Variants in LRCH2 observed in about 807,000 individuals in gnomAD.
LRCH2 encodes the protein leucine rich repeats and calponin homology domain containing 2.
Under a neutral mutation model 68.9 loss-of-function variants are expected in LRCH2, and 38 were observed. The ratio of observed to expected loss-of-function variants is 0.55; its 90% CI spans 0.43 to 0.72. The LOEUF (loss-of-function observed/expected upper bound fraction) is 0.72, where lower values mean the gene tolerates loss of function less well. Among genes scored for constraint, LRCH2 ranks in the 30% least tolerant of loss-of-function variants. The pLI is 0.00. For missense variants in LRCH2, 528 were observed against 572.9 expected, an observed-to-expected ratio of 0.92 and a Z score of 0.80; for synonymous variants, 191 against 208.1, an observed-to-expected ratio of 0.92 and a Z score of 0.71.
intron 16 of LRCH2, chrX:115,126,344 C>T (rs1228753483): frequency 8.9e-6 from 1 of 111,763 alleles, no homozygotes; most frequent in Non-Finnish European, 1.9e-5. Flanking sequence ...ATAGGAACAA[C>T]CCACTGCAGG....
At chrX:115,189,441 C>G in intron 1 of LRCH2, 1 of 1,166,193 alleles carries the variant, frequency 8.6e-7, no homozygotes, top group Non-Finnish European at 1.1e-6. Context: ...GGCAGGGAGA[C>G]ATGATGGAAG....
chrX:115,123,081 T>A lies in LRCH2; in HGVS notation c.1961A>T (p.Asn654Ile), dbSNP rs781980782. The A allele has an allele frequency of 6.6e-6, 8 of 1,203,383 alleles. No homozygotes were observed. Among genetic ancestry groups the A allele is most frequent in the Admixed American group, 6.6e-5 (3 of 45,289 alleles). Residue 654 changes from asparagine (N) to isoleucine (I), a missense_variant and splice_region_variant, in exon 18 of 21, where the codon AAC becomes ATC. Asn to Ile is a moderately radical substitution (Grantham distance 149). Transcript: ENST00000317135. ...EEREQIRQLR[N>I]NLESRLKVIL... The stretch of plus-strand genomic sequence containing the variant: ...ATCTGAAAGAGCAATCTGACTTACG[T>A]TGCGAAGTTGTCGTATTTGCTCTCG...
chrX:115,179,483 G>A lies in LRCH2; in HGVS notation c.808C>T (p.His270Tyr). 1 of 1,152,762 alleles carries A rather than the reference G, an allele frequency of 8.7e-7. No individual in the cohort carries two copies. The change falls in exon 5 of 21, where the codon CAT becomes TAT. Residue 270 changes from histidine (H) to tyrosine (Y), a missense_variant. Transcript: ENST00000317135. ...TCCAAAATTATTACTTGTAAATGATGCAGCTTTCTGTAACAAACTGGAATT... is the reference window on the plus strand; with the variant it reads ...TCCAAAATTATTACTTGTAAATGATACAGCTTTCTGTAACAAACTGGAATT... Reference protein sequence around the residue: ...TEIPVCYRKLHHLQVIILDNN... With the variant: ...TEIPVCYRKLYHLQVIILDNN...
intron 1 of LRCH2, among the ~76,000 whole-genome samples, chrX:115,218,344 T>C (rs1242190173): frequency 1.8e-5 from 2 of 112,147 alleles, no homozygotes; most frequent in African/African-American, 3.2e-5. Flanking sequence ...GTATAGGATC[T>C]GGAGGCAGGG....
At chrX:115,118,601 T>C (rs1372861991) in intron 20 of LRCH2, among the ~76,000 whole-genome samples, 45 of 110,681 alleles carry the variant, frequency 4.1e-4, no homozygotes, top group African/African-American at 1.4e-3. Context: ...AAGGAGGAAC[T>C]GGTACCATTC....
chrX:115,182,546 T>C (rs782807974), intron 3 of LRCH2, among the ~76,000 whole-genome samples: 1 of 111,598 alleles, frequency 9.0e-6, no homozygotes, highest in South Asian at 3.7e-4. Flanking sequence ...TCTTAAGAGT[T>C]TGGTACGCTG....
chrX:115,134,229 T>C (rs1029731482), intron 14 of LRCH2, among the ~76,000 whole-genome samples: 25 of 112,121 alleles, frequency 2.2e-4, no homozygotes, highest in African/African-American at 6.8e-4. Context: ...TAGAGGTTGG[T>C]TGGTTCATAA....
chrX:115,221,943 A>G (rs182641978), intron 1 of LRCH2, among the ~76,000 whole-genome samples: 15 of 110,268 alleles, frequency 1.4e-4, no homozygotes, highest in African/African-American at 4.9e-4. Context: ...AACAGGAAAA[A>G]AAAAAAAAAA....
chrX:115,176,748 T>C (rs1296902082), intron 5 of LRCH2, among the ~76,000 whole-genome samples: 2 of 109,170 alleles, frequency 1.8e-5, no homozygotes, highest in Non-Finnish European at 3.8e-5. Flanking sequence ...TTTCTTTTTT[T>C]TTCTTTTTTT....
intron 1 of LRCH2, among the ~76,000 whole-genome samples, chrX:115,194,374 C>A (rs1275927530): frequency 8.9e-6 from 1 of 111,964 alleles, no homozygotes; most frequent in Non-Finnish European, 1.9e-5. Context: ...CCAAGCATCA[C>A]ACAGTTCTAT....
chrX:115,122,501 C>T, intron 20 of LRCH2, 26 bp downstream of exon 20: 1 of 1,140,758 alleles, frequency 8.8e-7, no homozygotes, highest in Non-Finnish European at 1.2e-6. Context: ...TTTAAGTGAT[C>T]ACGTTGTTAG....
At chrX:115,148,108 T>C (rs1556537061) in intron 14 of LRCH2, among the ~76,000 whole-genome samples, 1 of 111,728 alleles carries the variant, frequency 9.0e-6, no homozygotes, top group African/African-American at 3.3e-5. Context: ...ACTGTGTTTG[T>C]TTGAAAGTGT....
chrX:115,224,759 A>G (rs1556575665), intron 1 of LRCH2, among the ~76,000 whole-genome samples: 1 of 111,092 alleles, frequency 9.0e-6, no homozygotes, highest in Non-Finnish European at 1.9e-5. Context: ...CTAAAGTTTC[A>G]CAATTTCACT....
chrX:115,117,368 T>C (rs1271934096), intron 20 of LRCH2, among the ~76,000 whole-genome samples: 1 of 111,765 alleles, frequency 8.9e-6, no homozygotes, highest in Non-Finnish European at 1.9e-5. Flanking sequence ...TACAACCACT[T>C]TGGAAGAGTT....
At chrX:115,138,749 C>T (rs1430648736) in intron 14 of LRCH2, among the ~76,000 whole-genome samples, 3 of 111,977 alleles carry the variant, frequency 2.7e-5, no homozygotes, top group Non-Finnish European at 5.6e-5. Flanking sequence ...TACATGAAAA[C>T]TTAGAAAGAT....
At chrX:115,178,952 T>TTA (rs1556551650) in intron 5 of LRCH2, among the ~76,000 whole-genome samples, 1 of 112,269 alleles carries the variant, frequency 8.9e-6, no homozygotes, top group African/African-American at 3.2e-5. Flanking sequence ...CCATAGGGGA[T>TTA]TATATCATAG....
At chrX:115,148,434 T>G (rs2072405356) in intron 14 of LRCH2, among the ~76,000 whole-genome samples, 1 of 112,007 alleles carries the variant, frequency 8.9e-6, no homozygotes, top group African/African-American at 3.2e-5. Flanking sequence ...GAACTGGTTT[T>G]GTTATACTAC....
intron 14 of LRCH2, among the ~76,000 whole-genome samples, chrX:115,143,498 C>T (rs1174398778): frequency 9.0e-6 from 1 of 111,185 alleles, no homozygotes; most frequent in South Asian, 3.8e-4. Flanking sequence ...AATAGTCTCC[C>T]AGGAAAGAAA....
intron 2 of LRCH2, among the ~76,000 whole-genome samples, chrX:115,187,036 T>C (rs1404489544): frequency 2.7e-5 from 3 of 110,951 alleles, no homozygotes; most frequent in South Asian, 7.7e-4. Context: ...GCCAGGATGG[T>C]CTCGATCTCC....
Sources: gnomAD v4.1 joint callset for allele counts (sites outside exome capture counted in the v4.1 genomes callset) on GRCh38, gnomAD v4.1.1 for gene constraint, MANE v1.5 for transcripts, NCBI Gene and HGNC (gene_info 2026-07-23, HGNC 2026-07-21) for gene names.